Variants in CSMD1 observed in about 807,000 individuals in gnomAD.
CSMD1 encodes the protein CUB and sushi domain-containing protein 1.
Under a neutral mutation model 417.5 loss-of-function variants are expected in CSMD1, and 213 were observed. That is an observed-to-expected ratio of 0.51 (90% CI 0.46 to 0.57). CSMD1 has a LOEUF of 0.57. Ranked by LOEUF, CSMD1 falls within the 20% of genes least tolerant of loss-of-function variation. The pLI, the probability that CSMD1 is intolerant of heterozygous loss-of-function variation, is 0.00. For missense variants in CSMD1, 6,923 were observed against 4,529.7 expected (o/e 1.53, Z -15.17); for synonymous variants, 2,862 against 1,736.8 (o/e 1.65, Z -16.11).
intron 5 of CSMD1, among the ~76,000 whole-genome samples, chr8:3,848,825 T>C (rs1047927922): frequency 2.6e-5 from 4 of 152,056 alleles, no homozygotes; most frequent in African/African-American, 9.7e-5. Flanking sequence ...GAAAAAGTGG[T>C]ACTTTATGAA....
intron 2 of CSMD1, among the ~76,000 whole-genome samples, chr8:4,492,321 C>T (rs1158043960): frequency 1.3e-5 from 2 of 152,140 alleles, no homozygotes; most frequent in Admixed American, 6.6e-5. Context: ...AACTCCTCGC[C>T]TCAGGTGATC....
intron 25 of CSMD1, among the ~76,000 whole-genome samples, chr8:3,292,216 T>C (rs1469497124): frequency 2.0e-5 from 3 of 152,230 alleles, no homozygotes. Flanking sequence ...TTCTGTTCCT[T>C]TACATTTGCT....
intron 12 of CSMD1, among the ~76,000 whole-genome samples, chr8:3,459,056 G>A (rs971623316): frequency 2.0e-5 from 3 of 152,220 alleles, no homozygotes; most frequent in Non-Finnish European, 2.9e-5. Context: ...GAAGGGAAGC[G>A]GCATGAGCGC....
intron 3 of CSMD1, among the ~76,000 whole-genome samples, chr8:4,098,109 AGAT>A (rs1184956435): frequency 6.6e-6 from 1 of 152,214 alleles, no homozygotes; most frequent in Non-Finnish European, 1.5e-5. Flanking sequence ...GGCTGAATTA[AGAT>A]GATCTTTCAC....
At chr8:4,420,138 C>A in intron 2 of CSMD1, 73 bp from the exon 3 acceptor site, 1 of 1,019,064 alleles carries the variant, frequency 9.8e-7, no homozygotes, top group South Asian at 1.4e-5. Context: ...TTGATGAAGT[C>A]ACTGAATAAC....
intron 5 of CSMD1, among the ~76,000 whole-genome samples, chr8:3,767,799 A>T (rs1445642542): frequency 6.6e-6 from 1 of 152,286 alleles, no homozygotes; most frequent in East Asian, 1.9e-4. Context: ...TCTCACGTAC[A>T]CGGGCTTCCA....
At chr8:3,339,581 C>T (rs264314) in intron 23 of CSMD1, among the ~76,000 whole-genome samples, 2,298 of 152,212 alleles carry the variant, frequency 0.015, 32 homozygotes, top group South Asian at 0.025. Flanking sequence ...GTCCATGTAC[C>T]GGAAACCCTA....
intron 37 of CSMD1, among the ~76,000 whole-genome samples, chr8:3,176,851 T>G (rs1342195340): frequency 1.3e-5 from 2 of 151,682 alleles, no homozygotes; most frequent in African/African-American, 4.8e-5. Flanking sequence ...CAATCATGGC[T>G]GTCTGTAGCC....
intron 3 of CSMD1, among the ~76,000 whole-genome samples, chr8:4,161,593 G>T (rs1797173146): frequency 6.6e-6 from 1 of 152,062 alleles, no homozygotes; most frequent in African/African-American, 2.4e-5. Context: ...GGTACATTTT[G>T]ATCTATACCT....
At chr8:4,053,178 T>C (rs557539667) in intron 3 of CSMD1, among the ~76,000 whole-genome samples, 2 of 152,250 alleles carry the variant, frequency 1.3e-5, no homozygotes, top group East Asian at 1.9e-4. Context: ...CAGGTGCAAA[T>C]TTGAAGCCTG....
At chr8:4,925,923 T>C (rs186686124) in intron 1 of CSMD1, among the ~76,000 whole-genome samples, 2 of 152,206 alleles carry the variant, frequency 1.3e-5, no homozygotes, top group Admixed American at 6.5e-5. Flanking sequence ...ATTTCCCTGG[T>C]CATTTGATGC....
At chr8:4,328,592 A>T (rs528956524) in intron 3 of CSMD1, among the ~76,000 whole-genome samples, 112 of 152,284 alleles carry the variant, frequency 7.4e-4, no homozygotes, top group African/African-American at 2.6e-3. Context: ...AAAAAATTAA[A>T]AATGAAGTCA....
chr8:3,742,228 T>C (rs1178274409), intron 6 of CSMD1, among the ~76,000 whole-genome samples: 2 of 152,176 alleles, frequency 1.3e-5, no homozygotes, highest in East Asian at 1.9e-4. Context: ...GTTCTGTAGA[T>C]AGATTTAATT....
At chr8:4,393,801 T>C (rs569115813) in intron 3 of CSMD1, among the ~76,000 whole-genome samples, 1 of 152,366 alleles carries the variant, frequency 6.6e-6, no homozygotes, top group South Asian at 2.1e-4. Context: ...ATCATCTTTA[T>C]ATGCCATATT....
At chr8:4,018,624 C>G (rs927057048) in intron 4 of CSMD1, among the ~76,000 whole-genome samples, 4 of 152,232 alleles carry the variant, frequency 2.6e-5, no homozygotes, top group African/African-American at 9.6e-5. Context: ...AGGATTCAAG[C>G]ACATGTTTCT....
chr8:4,529,906 T>G (rs1412451765), intron 2 of CSMD1, among the ~76,000 whole-genome samples: 1 of 151,558 alleles, frequency 6.6e-6, no homozygotes, highest in Admixed American at 6.6e-5. Context: ...AATTTTTTTA[T>G]TTTTATTTAT....
Position 4,023,281 on chromosome 8 carries a change from C to T in CSMD1, c.610+8624G>A, listed in dbSNP as rs74458508. ...AAAAACATCTGAACCAACTACCCAT[C>T]ATTGAGACTCATTTTGAATTTAACT... On this transcript the variant is annotated intron_variant, in intron 4 of 69. Transcript: ENST00000635120. 6.9e-3 allele frequency among the ~76,000 whole-genome samples: 1,055 copies of T among 152,348 alleles called. 56 individuals carry two copies. In the East Asian group the frequency reaches 0.14, roughly 20 times the overall value.
chr8:4,254,209 G>T (rs962301200), intron 3 of CSMD1, among the ~76,000 whole-genome samples: 3 of 152,022 alleles, frequency 2.0e-5, no homozygotes, highest in African/African-American at 4.8e-5. Context: ...GAGCCACCAC[G>T]CCAAGCCTTT....
intron 3 of CSMD1, among the ~76,000 whole-genome samples, chr8:4,355,064 C>T (rs1301165257): frequency 1.3e-5 from 2 of 151,836 alleles, no homozygotes; most frequent in African/African-American, 4.8e-5. Context: ...AGATCGAGAC[C>T]ATCCTGGCTA....
Sources: gnomAD v4.1 joint callset for allele counts (sites outside exome capture counted in the v4.1 genomes callset) on GRCh38, gnomAD v4.1.1 for gene constraint, MANE v1.5 for transcripts, NCBI Gene and HGNC (gene_info 2026-07-23, HGNC 2026-07-21) for gene names.